The following OTUD3 variants were observed in gnomAD, a reference collection of about 807,000 sequenced individuals.
The protein encoded by OTUD3 is OTU deubiquitinase 3.
In OTUD3, 24 loss-of-function variants were observed where a neutral mutation model predicts 46.2. The ratio of observed to expected loss-of-function variants is 0.52; its 90% CI spans 0.38 to 0.73. OTUD3 has a LOEUF of 0.73. OTUD3 is among the 30% of genes least tolerant of loss of function. OTUD3 has a pLI of 0.00. For missense variants in OTUD3, 455 were observed against 523.3 expected (o/e 0.87, Z 1.27); for synonymous variants, 189 against 195.4 (o/e 0.97, Z 0.27).
At chr1:19,900,734 G>C (rs1046079361) in intron 4 of OTUD3, among the ~76,000 whole-genome samples, 4 of 151,906 alleles carry the variant, frequency 2.6e-5, no homozygotes, top group Admixed American at 1.3e-4. Context: ...TGATCTCCCT[G>C]TTCACATGTT....
rs1332638076 is a variant in OTUD3 at position 19,908,197 on chromosome 1, A to AT, written c.*452dup. ...GTTTCTCTTTCATTCTCAAACAGAT[A>AT]TATAGGGTAGCTTATAAATGATCTC... is the stretch of plus-strand genomic sequence containing the variant. On this transcript the variant is annotated 3_prime_UTR_variant, in exon 8 of 8. Coordinates refer to ENST00000375120, the MANE Select transcript of OTUD3 (RefSeq NM_015207.2). 2 of 153,224 alleles carry AT rather than the reference A, an allele frequency of 1.3e-5. No homozygotes were observed. The highest frequency in any genetic ancestry group is 4.8e-5 in the African/African-American group (2 of 41,466). 9.5% of individuals were successfully genotyped at this position (153,224 alleles called of 1,614,324 possible).
At chr1:19,902,451 C>T (rs752162674) in intron 4 of OTUD3, among the ~76,000 whole-genome samples, 56 of 152,138 alleles carry the variant, frequency 3.7e-4, no homozygotes, top group Admixed American at 7.9e-4. Flanking sequence ...GTGATCCACC[C>T]ACCTCGGCCT....
At chr1:19,890,611 C>T in intron 2 of OTUD3, 78 bp downstream of exon 2, 1 of 1,277,076 alleles carries the variant, frequency 7.8e-7, no homozygotes, top group Admixed American at 1.7e-5. Flanking sequence ...CTCCCCCCTC[C>T]CAGCCAAGGG....
chr1:19,904,363 G>A lies in OTUD3; in HGVS notation c.703G>A (p.Ala235Thr), dbSNP rs941063477. The A allele has an allele frequency of 6.2e-7, 1 of 1,612,796 alleles. No individual in the cohort carries two copies. The highest frequency in any genetic ancestry group is 1.3e-5 in the African/African-American group (1 of 74,888). Residue 235 changes from alanine (A) to threonine (T), a missense_variant, in exon 5 of 8, where the codon GCT (alanine) becomes ACT (threonine). Ala to Thr is a moderately conservative substitution (Grantham distance 58). Coordinates refer to ENST00000375120, the MANE Select transcript of OTUD3 (RefSeq NM_015207.2). ...EDDLRDEVED[A>T]VQKVCNATGC... The stretch of plus-strand genomic sequence containing the variant: ...CGACCTGAGAGATGAAGTAGAGGAT[G>A]CTGTCCAGAAAGTTTGTAATGCAAC...
At chr1:19,892,717 T>C (rs1345979460) in intron 2 of OTUD3, among the ~76,000 whole-genome samples, 1 of 152,198 alleles carries the variant, frequency 6.6e-6, no homozygotes, top group East Asian at 1.9e-4. Flanking sequence ...CAGACCTCTG[T>C]GGCCATTTGC....
At chr1:19,887,229 C>T (rs2045376697) in intron 1 of OTUD3, among the ~76,000 whole-genome samples, 1 of 152,036 alleles carries the variant, frequency 6.6e-6, no homozygotes, top group Non-Finnish European at 1.5e-5. Flanking sequence ...GGATTACAGG[C>T]ATGCGCCACC....
intron 1 of OTUD3, among the ~76,000 whole-genome samples, chr1:19,889,152 A>G (rs982404206): frequency 9.2e-5 from 14 of 152,140 alleles, no homozygotes; most frequent in African/African-American, 3.1e-4. Flanking sequence ...AAAGACTGCC[A>G]TTGTCAGATT....
intron 3 of OTUD3, among the ~76,000 whole-genome samples, chr1:19,896,335 T>G (rs2045517834): frequency 6.7e-6 from 1 of 150,306 alleles, no homozygotes; most frequent in Admixed American, 6.7e-5. Context: ...GTTAACAATT[T>G]GGTGAATATT....
At chr1:19,883,718 C>T (rs920908724) in intron 1 of OTUD3, among the ~76,000 whole-genome samples, 15 of 152,146 alleles carry the variant, frequency 9.9e-5, no homozygotes, top group Non-Finnish European at 1.9e-4. Flanking sequence ...TGGCTTCAAG[C>T]GATCCTCCTG....
chr1:19,892,877 C>G (rs1470528745), intron 2 of OTUD3, among the ~76,000 whole-genome samples: 1 of 152,154 alleles, frequency 6.6e-6, no homozygotes, highest in Non-Finnish European at 1.5e-5. Flanking sequence ...AGAGCCCAGA[C>G]TTTTTAGTTC....
chr1:19,906,696 A>G, intron 7 of OTUD3, 80 bp downstream of exon 7: 3 of 1,235,236 alleles, frequency 2.4e-6, no homozygotes, highest in Non-Finnish European at 3.3e-6. Flanking sequence ...GATTAATTTT[A>G]TTTGTATTTT....
chr1:19,897,151 C>G (rs1022628396), intron 3 of OTUD3, among the ~76,000 whole-genome samples: 14 of 151,986 alleles, frequency 9.2e-5, no homozygotes, highest in African/African-American at 3.4e-4. Context: ...TCAAAGAGAG[C>G]CTTCAAATAG....
At chr1:19,898,728 C>CAA (rs754569616) in intron 4 of OTUD3, among the ~76,000 whole-genome samples, 5 of 114,076 alleles carry the variant, frequency 4.4e-5, no homozygotes, top group Non-Finnish European at 9.5e-5. Context: ...AACTCCATCT[C>CAA]AAAAAAAAAA....
intron 3 of OTUD3, among the ~76,000 whole-genome samples, chr1:19,897,052 A>G (rs904706117): frequency 5.3e-5 from 8 of 152,258 alleles, no homozygotes; most frequent in African/African-American, 1.4e-4. Flanking sequence ...CTAATGAAAC[A>G]TCAGGCCACT....
At chr1:19,890,091 G>A (rs142669432) in intron 1 of OTUD3, among the ~76,000 whole-genome samples, 34 of 152,244 alleles carry the variant, frequency 2.2e-4, no homozygotes, top group African/African-American at 6.7e-4. Context: ...GTGTATCACC[G>A]GCTCCACTTG....
rs888391736 is a variant in OTUD3, at chr1:19,909,038, C to A, written c.*1292C>A. Reference sequence around the variant, plus strand: ...GTGGATGTGAACTTAAGAACTATAACGTATGAGGCAGCCCATCTTGGATCA... The same window carrying A: ...GTGGATGTGAACTTAAGAACTATAAAGTATGAGGCAGCCCATCTTGGATCA... On this transcript the variant is annotated 3_prime_UTR_variant, in exon 8 of 8. Transcript: ENST00000375120. The A allele has an allele frequency of 6.6e-6, 1 of 152,340 alleles. No individual in the cohort carries two copies. The highest frequency in any genetic ancestry group is 6.5e-5 in the Admixed American group (1 of 15,280). The allele number at this position is 152,340 out of a possible 1,614,324, so 9.4% of individuals were successfully genotyped here.
intron 4 of OTUD3, among the ~76,000 whole-genome samples, chr1:19,898,783 A>G (rs1379669207): frequency 6.6e-6 from 1 of 151,964 alleles, no homozygotes; most frequent in Non-Finnish European, 1.5e-5. Flanking sequence ...CTGTTTTTAC[A>G]CATGATCCAA....
rs984272296 is a variant in OTUD3, at chr1:19,909,903, A to G, written c.*2157A>G. 3 of 152,338 alleles carry G rather than the reference A, an allele frequency of 2.0e-5. No individual in the cohort carries two copies. The highest frequency in any genetic ancestry group is 2.1e-4 in the South Asian group (1 of 4,828). 9.4% of individuals were successfully genotyped at this position (152,338 alleles called of 1,614,324 possible). A position where few individuals can be genotyped will look rare whatever the true frequency, so the allele number is the denominator to read the frequency against. ...AATGGTGGTTTAAAAAACTAATCAAACGGCTTTAGTAATTTTACTACTGGT... is the reference window on the plus strand; with the variant it reads ...AATGGTGGTTTAAAAAACTAATCAAGCGGCTTTAGTAATTTTACTACTGGT... On this transcript the variant is annotated 3_prime_UTR_variant, in exon 8 of 8. Transcript: ENST00000375120.
Position 19,907,731 on chromosome 1 carries a change from C to A in OTUD3, c.1182C>A (p.Ala394=). ...AGGTCACCTTGGTGAAGACCTTCGC[C>A]GCTCTCAACATCTGACTCTTTGGCC... ...NTQVTLVKTF[A]ALNI Residue 394 remains alanine (A), a synonymous_variant, in exon 8 of 8, where the codon GCC becomes GCA. Coordinates refer to ENST00000375120, the MANE Select transcript of OTUD3 (RefSeq NM_015207.2). 6.2e-7 allele frequency: 1 copy of A among 1,614,134 alleles called. No individual in the cohort carries two copies. Among genetic ancestry groups the A allele is most frequent in the East Asian group, 2.2e-5 (1 of 44,882 alleles).
Sources: gnomAD v4.1 joint callset for allele counts (sites outside exome capture counted in the v4.1 genomes callset) on GRCh38, gnomAD v4.1.1 for gene constraint, MANE v1.5 for transcripts, NCBI Gene and HGNC (gene_info 2026-07-23, HGNC 2026-07-21) for gene names.